ABCA1: variants seen among roughly 807,000 people sequenced by gnomAD.
ABCA1 encodes phospholipid-transporting ATPase ABCA1.
Under a neutral mutation model 262.5 loss-of-function variants are expected in ABCA1, and 133 were observed. The ratio of observed to expected loss-of-function variants is 0.51; its 90% CI spans 0.44 to 0.59. ABCA1 has a LOEUF of 0.59. ABCA1 is among the 20% of genes least tolerant of loss of function. ABCA1 has a pLI of 0.00. For missense variants in ABCA1, 2,452 were observed against 2,777.5 expected, an observed-to-expected ratio of 0.88 and a Z score of 2.63; for synonymous variants, 1,022 against 1,043.5, an observed-to-expected ratio of 0.98 and a Z score of 0.40.
rs4149332 is a variant in ABCA1, at chr9:104,790,658, A to G, written c.5927+264T>C. Among the ~76,000 whole-genome samples the G allele has an allele frequency of 0.23, 34,780 of 151,946 alleles. 5,929 individuals are homozygous for G. Among genetic ancestry groups the G allele is most frequent in the African/African-American group, 0.47 (19,601 of 41,312 alleles). On this transcript the variant is annotated intron_variant, in intron 44 of 49. Transcript: ENST00000374736. ...AAAAATCACTAAATTATACTCTTAA[A>G]AAACAAGCAAATTATATTGTATGTA... is the stretch of plus-strand genomic sequence containing the variant.
At chr9:104,807,911 CTTA>C (rs199941615) in intron 30 of ABCA1, among the ~76,000 whole-genome samples, 47 of 144,814 alleles carry the variant, frequency 3.2e-4, no homozygotes, top group African/African-American at 1.1e-3. Flanking sequence ...TTAACTATTT[CTTA>C]TTGTTTTCTT....
intron 2 of ABCA1, among the ~76,000 whole-genome samples, chr9:104,893,908 C>T (rs1316541387): frequency 6.6e-6 from 1 of 152,196 alleles, no homozygotes; most frequent in Admixed American, 6.5e-5. Context: ...ATTTATAATA[C>T]TTACAGCCAA....
chr9:104,861,250 T>C (rs1394394280), intron 6 of ABCA1, among the ~76,000 whole-genome samples: 1 of 152,220 alleles, frequency 6.6e-6, no homozygotes, highest in Non-Finnish European at 1.5e-5. Flanking sequence ...CCTTATTTTA[T>C]AAAATTCTTA....
At position 104,906,777 on chromosome 9, in the gene ABCA1, A is replaced by G. The variant is rs535575610; in HGVS notation, c.-92-3006T>C. Among the ~76,000 whole-genome samples the G allele has an allele frequency of 4.6e-5, 7 of 152,028 alleles. 1 individual carries two copies. The East Asian group carries it at 7.7e-4, about 17-fold the overall frequency. On this transcript the variant is annotated intron_variant, in intron 1 of 49. Transcript: ENST00000374736. The stretch of plus-strand genomic sequence containing the variant: ...AAAAAAAAAAAAAAAAAGATATAAA[A>G]GAGACAGTACTATGTACTAGATTTC...
chr9:104,926,627 C>G (rs1015661538), intron 1 of ABCA1, among the ~76,000 whole-genome samples: 8 of 150,760 alleles, frequency 5.3e-5, no homozygotes, highest in Admixed American at 1.3e-4. Context: ...GCGCTGCGGG[C>G]CAGTCTCCGG....
intron 11 of ABCA1, 26 bp downstream of exon 11, chr9:104,836,954 A>G (rs576426328): frequency 6.4e-7 from 1 of 1,561,334 alleles, no homozygotes; most frequent in Non-Finnish European, 8.8e-7. Flanking sequence ...AAGCAGGCAC[A>G]TGGTAATAAT....
intron 47 of ABCA1, 119 bp downstream of exon 47, chr9:104,786,754 G>A: frequency 5.3e-6 from 5 of 947,886 alleles, no homozygotes; most frequent in Non-Finnish European, 8.5e-6. Context: ...TATAATTTCA[G>A]GTAATAATTG....
At chr9:104,904,927 C>A (rs941317958) in intron 1 of ABCA1, among the ~76,000 whole-genome samples, 3 of 151,576 alleles carry the variant, frequency 2.0e-5, no homozygotes, top group African/African-American at 7.3e-5. Context: ...AAGGTCTTCT[C>A]GTGAACAAGG....
chr9:104,784,045 T>C lies in ABCA1; in HGVS notation c.*270A>G. On this transcript the variant is annotated 3_prime_UTR_variant, in exon 50 of 50. Coordinates refer to ENST00000374736, the MANE Select transcript of ABCA1 (RefSeq NM_005502.4). Reference sequence around the variant, plus strand: ...AAACCCATATGTCCATTGGGTTCCATAATAGAGTTTCACATAGGTATAGGT... The same window carrying C: ...AAACCCATATGTCCATTGGGTTCCACAATAGAGTTTCACATAGGTATAGGT... 2.5e-6 allele frequency: 1 copy of C among 407,720 alleles called. No homozygotes were observed. The highest frequency in any genetic ancestry group is 4.6e-5 in the East Asian group (1 of 21,790). The allele number at this position is 407,720 out of a possible 1,614,324, so 25.3% of individuals were successfully genotyped here.
chr9:104,852,529 T>C (rs1302172320), intron 7 of ABCA1, among the ~76,000 whole-genome samples: 1 of 152,220 alleles, frequency 6.6e-6, no homozygotes, highest in Non-Finnish European at 1.5e-5. Flanking sequence ...GTATCTTAGA[T>C]CTGGCAACAA....
At chr9:104,895,656 T>A (rs1163450459) in intron 2 of ABCA1, among the ~76,000 whole-genome samples, 1 of 152,216 alleles carries the variant, frequency 6.6e-6, no homozygotes, top group Non-Finnish European at 1.5e-5. Flanking sequence ...AAACCACTCT[T>A]GAATCATCAT....
Position 104,845,572 on chromosome 9 carries a change from G to A in ABCA1, c.721-3C>T. ...GGAGATGTAGAGTTTAGTGTTCTCTGTAATGAGAAAGAAAACTTTGTTTCT... is the reference window on the plus strand; with the variant it reads ...GGAGATGTAGAGTTTAGTGTTCTCTATAATGAGAAAGAAAACTTTGTTTCT... On this transcript the variant is annotated splice_polypyrimidine_tract_variant and splice_region_variant and intron_variant, in intron 7 of 49. Transcript: ENST00000374736. The A allele has an allele frequency of 3.1e-6, 5 of 1,601,826 alleles. No homozygotes were observed. Among genetic ancestry groups the A allele is most frequent in the Non-Finnish European group, 4.3e-6 (5 of 1,169,314 alleles).
intron 1 of ABCA1, 143 bp downstream of exon 1, chr9:104,927,792 A>T (rs1398441119): frequency 2.0e-5 from 3 of 152,170 alleles, no homozygotes; most frequent in Non-Finnish European, 4.4e-5. Flanking sequence ...CCCATTTAAC[A>T]CCGCCTCCGG....
At position 104,817,523 on chromosome 9, in the gene ABCA1, T is replaced by G. The variant is rs1831880415; in HGVS notation, c.3463-119A>C. On this transcript the variant is annotated intron_variant, in intron 23 of 49. Coordinates refer to ENST00000374736, the MANE Select transcript of ABCA1 (RefSeq NM_005502.4). The surrounding 1 kb of genome is among the most constrained non-coding windows in gnomAD (Gnocchi z 4.7). ...TGTGTGAGAACTAAAGGAAAAAGCT[T>G]TCCCTGGGACACATGCACTGGCAGC... 6 of 1,106,676 alleles carry G rather than the reference T, an allele frequency of 5.4e-6. No individual in the cohort carries two copies. Among genetic ancestry groups the G allele is most frequent in the Non-Finnish European group, 8.0e-6 (6 of 745,916 alleles). The allele number at this position is 1,106,676 out of a possible 1,614,324, so 68.6% of individuals were successfully genotyped here.
intron 1 of ABCA1, among the ~76,000 whole-genome samples, chr9:104,926,054 T>C (rs906510201): frequency 6.6e-6 from 1 of 152,054 alleles, no homozygotes; most frequent in Admixed American, 6.6e-5. Flanking sequence ...AATTCCACTC[T>C]TTAACTTGGG....
intron 8 of ABCA1, among the ~76,000 whole-genome samples, chr9:104,843,846 G>A (rs1438642012): frequency 2.0e-5 from 3 of 152,128 alleles, no homozygotes; most frequent in Non-Finnish European, 4.4e-5. Context: ...AGTAACTTTT[G>A]ATCAAAGGGA....
intron 24 of ABCA1, 92 bp from the exon 25 acceptor site, chr9:104,816,437 G>T (rs576835355): frequency 8.3e-7 from 1 of 1,205,760 alleles, no homozygotes; most frequent in African/African-American, 1.5e-5. Context: ...TCAGAGGCCT[G>T]CCGCTCATAC....
intron 1 of ABCA1, among the ~76,000 whole-genome samples, chr9:104,926,016 T>TAAA (rs71364036): frequency 4.0e-4 from 60 of 148,770 alleles, no homozygotes; most frequent in South Asian, 1.1e-3. Context: ...CTACGGCCGT[T>TAAA]AAAAAAAAAA....
At chr9:104,888,034 C>T (rs1054063593) in intron 3 of ABCA1, among the ~76,000 whole-genome samples, 2 of 150,348 alleles carry the variant, frequency 1.3e-5, no homozygotes. Flanking sequence ...CAGGAAATCA[C>T]GTCTCAGAAA....
Sources: allele counts gnomAD v4.1 joint callset (sites outside exome capture counted in the v4.1 genomes callset), GRCh38; gene constraint gnomAD v4.1.1; non-coding constraint Gnocchi (gnomAD v3.1); transcripts MANE v1.5; gene names NCBI Gene and HGNC (gene_info 2026-07-23, HGNC 2026-07-21).